Variants in JAZF1 observed in about 807,000 individuals in gnomAD.
JAZF1 encodes JAZF zinc finger 1, also known as juxtaposed with another zinc finger protein 1.
Under a neutral mutation model 26.4 loss-of-function variants are expected in JAZF1, and 8 were observed. The observed-to-expected ratio is 0.30, with a 90% CI of 0.18 to 0.55. The LOEUF (loss-of-function observed/expected upper bound fraction) is 0.55, where lower values mean the gene tolerates loss of function less well. JAZF1 is among the 20% of genes least tolerant of loss of function. JAZF1 has a pLI of 0.94. For synonymous variants in JAZF1, 126 were observed against 122.3 expected, an observed-to-expected ratio of 1.03 and a Z score of -0.20; for missense variants, 199 against 322.0, an observed-to-expected ratio of 0.62 and a Z score of 2.92.
chr7:28,017,813 G>A (rs1342206002), intron 1 of JAZF1, among the ~76,000 whole-genome samples: 1 of 152,182 alleles, frequency 6.6e-6, no homozygotes, highest in Non-Finnish European at 1.5e-5. Flanking sequence ...TCGTTCTGTT[G>A]CCCAGGCTGG....
rs181157122 is a variant in JAZF1 at position 28,018,358 on chromosome 7, G to A, written c.116-26377C>T. On this transcript the variant is annotated intron_variant, in intron 1 of 4. Coordinates refer to ENST00000283928, the MANE Select transcript of JAZF1 (RefSeq NM_175061.4). ...GCCCTTGTGGGCCACCGTTGGGAGT[G>A]TGGGTTTCATTCTAGTGCAATGGAA... Among the ~76,000 whole-genome samples, 12 of 152,304 alleles carry A rather than the reference G, an allele frequency of 7.9e-5. No individual in the cohort carries two copies. The East Asian group carries it at 2.3e-3, about 29-fold the overall frequency.
chr7:28,159,063 C>T (rs1201791225), intron 1 of JAZF1, among the ~76,000 whole-genome samples: 1 of 152,086 alleles, frequency 6.6e-6, no homozygotes, highest in Non-Finnish European at 1.5e-5. Context: ...AGACGCTGAA[C>T]AAACAAATAC....
chr7:28,023,511 A>G (rs1030051929), intron 1 of JAZF1, among the ~76,000 whole-genome samples: 11 of 152,264 alleles, frequency 7.2e-5, no homozygotes, highest in Non-Finnish European at 1.6e-4. Context: ...TGGTGTCTAA[A>G]TAACACATAA....
chr7:27,985,153 T>G (rs1421558190), intron 2 of JAZF1, among the ~76,000 whole-genome samples: 1 of 152,070 alleles, frequency 6.6e-6, no homozygotes, highest in Non-Finnish European at 1.5e-5. Context: ...AAAAAATCAA[T>G]GAATCCAGGA....
intron 1 of JAZF1, among the ~76,000 whole-genome samples, chr7:28,134,654 G>A (rs1583578583): frequency 6.7e-6 from 1 of 149,564 alleles, no homozygotes; most frequent in South Asian, 2.1e-4. Context: ...TCTTTTTGAA[G>A]AAATACAACA....
intron 1 of JAZF1, among the ~76,000 whole-genome samples, chr7:28,151,987 C>T (rs559726618): frequency 2.0e-5 from 3 of 152,278 alleles, no homozygotes; most frequent in South Asian, 2.1e-4. Context: ...GTATATCTAT[C>T]TCATTAGCAT....
At chr7:28,048,275 G>A (rs1783531417) in intron 1 of JAZF1, among the ~76,000 whole-genome samples, 1 of 152,262 alleles carries the variant, frequency 6.6e-6, no homozygotes, top group East Asian at 1.9e-4. Context: ...CTTGCCAGGT[G>A]TTCCTATTTT....
intron 2 of JAZF1, among the ~76,000 whole-genome samples, chr7:27,937,516 A>G (rs1784778035): frequency 6.6e-6 from 1 of 152,206 alleles, no homozygotes. Flanking sequence ...TTGCTTATAG[A>G]TAACCAAAAT....
chr7:27,909,249 T>A (rs1381149318), intron 2 of JAZF1, among the ~76,000 whole-genome samples: 1 of 146,292 alleles, frequency 6.8e-6, no homozygotes, highest in Non-Finnish European at 1.5e-5. Context: ...AATGTGAAGT[T>A]CCATGCCTCC....
intron 1 of JAZF1, among the ~76,000 whole-genome samples, chr7:28,053,555 T>C (rs1783649987): frequency 6.6e-6 from 1 of 152,190 alleles, no homozygotes; most frequent in African/African-American, 2.4e-5. Flanking sequence ...ATTCAGGAAA[T>C]AATTGAAGAA....
In JAZF1 at chr7:27,972,875, G is replaced by A. The variant is rs367818903; in HGVS notation, c.188+19034C>T. Among the ~76,000 whole-genome samples the A allele has an allele frequency of 7.9e-5, 12 of 151,014 alleles. 1 individual carries two copies. Among genetic ancestry groups the A allele is most frequent in the Admixed American group, 2.6e-4 (4 of 15,144 alleles). On this transcript the variant is annotated intron_variant, in intron 2 of 4. Transcript: ENST00000283928. ...TATATACACACACATATACATATAC[G>A]TATATATCTATATACATATATGTAT...
At chr7:27,879,752 G>A (rs1783738678) in intron 3 of JAZF1, among the ~76,000 whole-genome samples, 1 of 152,064 alleles carries the variant, frequency 6.6e-6, no homozygotes, top group Admixed American at 6.6e-5. Flanking sequence ...ATACTTGAAT[G>A]AGAGGAACCA....
intron 2 of JAZF1, among the ~76,000 whole-genome samples, chr7:27,976,271 G>A (rs1429935205): frequency 3.4e-5 from 5 of 148,138 alleles, no homozygotes; most frequent in African/African-American, 5.0e-5. Context: ...GCGCGAACCC[G>A]GGAGGCGGAG....
intron 2 of JAZF1, among the ~76,000 whole-genome samples, chr7:27,903,565 A>G (rs1218350711): frequency 6.6e-6 from 1 of 152,222 alleles, no homozygotes. Context: ...GACAGATACA[A>G]TAACTACTCA....
chr7:28,179,107 T>A (rs1783591802), intron 1 of JAZF1, among the ~76,000 whole-genome samples: 1 of 152,248 alleles, frequency 6.6e-6, no homozygotes, highest in South Asian at 2.1e-4. Flanking sequence ...GTGAGCTGCA[T>A]CCACATGGCT....
intron 2 of JAZF1, among the ~76,000 whole-genome samples, chr7:27,979,405 T>TTTTTTTTTTTTTTTTTTTTTTTTC (rs1368873651): frequency 1.2e-5 from 1 of 84,190 alleles, no homozygotes; most frequent in East Asian, 4.1e-4. Context: ...TTTTTTTTTT[T>TTTTTTTTTTTTTTTTTTTTTTTTC]AGAAACAGAG....
intron 1 of JAZF1, among the ~76,000 whole-genome samples, chr7:28,059,035 G>C (rs2128382076): frequency 6.6e-6 from 1 of 152,176 alleles, no homozygotes; most frequent in African/African-American, 2.4e-5. Context: ...TTTTCCTTGT[G>C]ATTTCAATAA....
At chr7:28,107,852 C>T (rs1362847381) in intron 1 of JAZF1, among the ~76,000 whole-genome samples, 1 of 152,212 alleles carries the variant, frequency 6.6e-6, no homozygotes, top group East Asian at 1.9e-4. Flanking sequence ...AGCATTTTCA[C>T]AGAGATGACT....
intron 3 of JAZF1, among the ~76,000 whole-genome samples, chr7:27,879,905 A>G (rs1783740848): frequency 6.6e-6 from 1 of 152,208 alleles, no homozygotes; most frequent in African/African-American, 2.4e-5. Context: ...ATAACAAAAG[A>G]GGCAAAATGT....
Sources: gnomAD v4.1 joint callset for allele counts (sites outside exome capture counted in the v4.1 genomes callset) on GRCh38, gnomAD v4.1.1 for gene constraint, MANE v1.5 for transcripts, NCBI Gene and HGNC (gene_info 2026-07-23, HGNC 2026-07-21) for gene names.